ZBTB20: variants seen among roughly 807,000 people sequenced by gnomAD.
ZBTB20 encodes zinc finger and BTB domain-containing protein 20.
A neutral mutation model predicts 56.9 loss-of-function variants in ZBTB20; 9 were observed. That is an observed-to-expected ratio of 0.16 (90% CI 0.10 to 0.28). The LOEUF is 0.28. Among genes scored for constraint, ZBTB20 ranks in the 10% least tolerant of loss-of-function variants. The pLI, the probability that ZBTB20 is intolerant of heterozygous loss-of-function variation, is 1.00. For missense variants in ZBTB20, 655 were observed against 1,003.0 expected (o/e 0.65, Z 4.69); for synonymous variants, 417 against 420.7 (o/e 0.99, Z 0.11).
Position 114,321,450 on chromosome 3 carries a change from G to C in ZBTB20, c.*17555C>G, listed in dbSNP as rs1044542921. 14 of 152,320 alleles carry C rather than the reference G, an allele frequency of 9.2e-5. No homozygotes were observed. The highest frequency in any genetic ancestry group is 2.6e-4 in the Admixed American group (4 of 15,278). 9.4% of individuals were successfully genotyped at this position (152,320 alleles called of 1,614,324 possible). ...CCTCCTGGAGGGCTGGGTGGTTCTG[G>C]AGGGTCCCTCCCCTGCTATCACTGC... On this transcript the variant is annotated 3_prime_UTR_variant, in exon 12 of 12. Transcript: ENST00000675478.
intron 3 of ZBTB20, among the ~76,000 whole-genome samples, chr3:114,956,333 G>C (rs750050589): frequency 6.6e-6 from 1 of 152,112 alleles, no homozygotes; most frequent in Non-Finnish European, 1.5e-5. Context: ...AGATGACAGC[G>C]GAAAATCCCC....
intron 5 of ZBTB20, among the ~76,000 whole-genome samples, chr3:114,718,645 A>G (rs2064684708): frequency 6.6e-6 from 1 of 152,028 alleles, no homozygotes; most frequent in South Asian, 2.1e-4. Flanking sequence ...AATCCCAATA[A>G]CTTCTTTTGA....
At chr3:114,510,116 T>A (rs779143949) in intron 6 of ZBTB20, among the ~76,000 whole-genome samples, 7 of 152,182 alleles carry the variant, frequency 4.6e-5, no homozygotes, top group Non-Finnish European at 8.8e-5. Context: ...GTTTCCAAGA[T>A]GAGACCTCAA....
rs943186266 is a variant in ZBTB20 at position 114,846,276 on chromosome 3, G to C, written c.-416-45102C>G. On this transcript the variant is annotated intron_variant, in intron 4 of 11. Transcript: ENST00000675478. ...ATACTGATGAGCTTTCCTCCTCAGAGAGCTTGCTCCTCAGGCCCTCACTCA... is the reference window on the plus strand; with the variant it reads ...ATACTGATGAGCTTTCCTCCTCAGACAGCTTGCTCCTCAGGCCCTCACTCA... Among the ~76,000 whole-genome samples the C allele has an allele frequency of 8.5e-5, 13 of 152,308 alleles. 1 individual carries two copies. The South Asian group carries it at 1.7e-3, about 19-fold the overall frequency.
chr3:114,900,442 G>T (rs533064078), intron 3 of ZBTB20, 100 bp from the exon 4 acceptor site: 1 of 151,822 alleles, frequency 6.6e-6, no homozygotes. Flanking sequence ...AAAAGTTTCA[G>T]TGCATAAAGA....
intron 2 of ZBTB20, among the ~76,000 whole-genome samples, chr3:115,005,730 C>T (rs2079439000): frequency 6.6e-6 from 1 of 151,886 alleles, no homozygotes; most frequent in Non-Finnish European, 1.5e-5. Context: ...GTTGAGGTCA[C>T]TGTGATTTCC....
At chr3:114,992,890 T>G (rs2078878046) in intron 2 of ZBTB20, among the ~76,000 whole-genome samples, 1 of 151,766 alleles carries the variant, frequency 6.6e-6, no homozygotes, top group African/African-American at 2.4e-5. Flanking sequence ...AGCTAAAAAT[T>G]AACACAAAAC....
intron 4 of ZBTB20, among the ~76,000 whole-genome samples, chr3:114,839,117 T>C (rs151028145): frequency 4.9e-4 from 75 of 152,264 alleles, no homozygotes; most frequent in African/African-American, 1.7e-3. Flanking sequence ...AGTTCAAAGA[T>C]AGGCTTGCCT....
At chr3:114,605,630 A>G (rs1406011841) in intron 6 of ZBTB20, among the ~76,000 whole-genome samples, 7 of 152,206 alleles carry the variant, frequency 4.6e-5, no homozygotes, top group African/African-American at 1.7e-4. Flanking sequence ...ACTAATTATA[A>G]CACAGGGTGA....
intron 5 of ZBTB20, among the ~76,000 whole-genome samples, chr3:114,755,518 T>C (rs943498631): frequency 1.4e-4 from 22 of 152,188 alleles, no homozygotes; most frequent in African/African-American, 4.8e-4. Context: ...ATGGTTATTA[T>C]AAAAGTGAAT....
intron 5 of ZBTB20, among the ~76,000 whole-genome samples, chr3:114,787,331 TTATATATA>T (rs138181405): frequency 0.32 from 31,814 of 100,246 alleles, 5,488 homozygotes; most frequent in South Asian, 0.37. Flanking sequence ...TCTTAAAAGG[TTATATATA>T]TATATATATA....
At chr3:114,513,297 G>A (rs375606460) in intron 6 of ZBTB20, among the ~76,000 whole-genome samples, 4 of 152,046 alleles carry the variant, frequency 2.6e-5, no homozygotes, top group African/African-American at 4.8e-5. Flanking sequence ...GAACAAATAC[G>A]TACATGACAC....
At chr3:114,763,944 A>G (rs2108709713) in intron 5 of ZBTB20, among the ~76,000 whole-genome samples, 1 of 152,326 alleles carries the variant, frequency 6.6e-6, no homozygotes, top group African/African-American at 2.4e-5. Flanking sequence ...AAATGTTTTC[A>G]AGCATATTCA....
At chr3:114,774,007 G>A (rs1321210991) in intron 5 of ZBTB20, among the ~76,000 whole-genome samples, 2 of 152,162 alleles carry the variant, frequency 1.3e-5, no homozygotes, top group African/African-American at 4.8e-5. Context: ...AAGAAAGGCA[G>A]TTATTTCCAA....
intron 3 of ZBTB20, among the ~76,000 whole-genome samples, chr3:114,916,480 T>A (rs1274918553): frequency 2.0e-5 from 3 of 152,156 alleles, no homozygotes; most frequent in Non-Finnish European, 4.4e-5. Flanking sequence ...ATTTTTACTG[T>A]TACTGCAAGT....
intron 3 of ZBTB20, among the ~76,000 whole-genome samples, chr3:114,913,865 C>T (rs185701791): frequency 6.6e-6 from 1 of 151,906 alleles, no homozygotes; most frequent in East Asian, 1.9e-4. Flanking sequence ...ATGTTCTTGC[C>T]ACCTGTGTTG....
At chr3:114,575,670 G>A (rs1316937449) in intron 6 of ZBTB20, among the ~76,000 whole-genome samples, 1 of 151,900 alleles carries the variant, frequency 6.6e-6, no homozygotes, top group Non-Finnish European at 1.5e-5. Flanking sequence ...GGAAGAATGT[G>A]GGCTGTCATC....
At chr3:114,937,820 G>A (rs1428494844) in intron 3 of ZBTB20, among the ~76,000 whole-genome samples, 1 of 152,024 alleles carries the variant, frequency 6.6e-6, no homozygotes, top group African/African-American at 2.4e-5. Context: ...GTTCCTGGCC[G>A]GGCACGGTGG....
intron 6 of ZBTB20, among the ~76,000 whole-genome samples, chr3:114,666,914 C>A (rs1393718084): frequency 6.6e-6 from 1 of 151,764 alleles, no homozygotes; most frequent in East Asian, 1.9e-4. Flanking sequence ...CTGTGAGATG[C>A]AAATACTAAA....
Sources: allele counts gnomAD v4.1 joint callset (sites outside exome capture counted in the v4.1 genomes callset), GRCh38; gene constraint gnomAD v4.1.1; transcripts MANE v1.5; gene names NCBI Gene and HGNC (gene_info 2026-07-23, HGNC 2026-07-21).